SLC6A2: variants seen among roughly 807,000 people sequenced by gnomAD.
SLC6A2 encodes sodium-dependent noradrenaline transporter.
Under a neutral mutation model 71.7 loss-of-function variants are expected in SLC6A2, and 26 were observed. The observed-to-expected ratio is 0.36, with a 90% CI of 0.27 to 0.50. SLC6A2 has a LOEUF of 0.50. SLC6A2 is among the 20% of genes least tolerant of loss of function. SLC6A2 has a pLI of 0.96. For synonymous variants in SLC6A2, 363 were observed against 337.9 expected (o/e 1.07, Z -0.82); for missense variants, 581 against 803.9 (o/e 0.72, Z 3.35).
chr16:55,660,190 G>A (rs756377447), intron 2 of SLC6A2, among the ~76,000 whole-genome samples: 1 of 152,148 alleles, frequency 6.6e-6, no homozygotes, highest in Non-Finnish European at 1.5e-5. Context: ...CCTGGGGCAG[G>A]AATGTACATG....
At chr16:55,686,952 G>A (rs1965470731) in intron 5 of SLC6A2, among the ~76,000 whole-genome samples, 1 of 152,198 alleles carries the variant, frequency 6.6e-6, no homozygotes, top group South Asian at 2.1e-4. Flanking sequence ...TTTGAATTTA[G>A]TTCAAAATAT....
At chr16:55,701,398 A>C (rs1183842901) in intron 13 of SLC6A2, among the ~76,000 whole-genome samples, 4 of 152,112 alleles carry the variant, frequency 2.6e-5, no homozygotes, top group Non-Finnish European at 5.9e-5. Flanking sequence ...ACCAGTGATC[A>C]ATTGTTGGTT....
intron 2 of SLC6A2, among the ~76,000 whole-genome samples, chr16:55,657,724 T>A (rs930042664): frequency 6.6e-6 from 1 of 151,892 alleles, no homozygotes; most frequent in African/African-American, 2.4e-5. Context: ...TGAAGAAGAC[T>A]CCAGTGGAAC....
intron 2 of SLC6A2, among the ~76,000 whole-genome samples, chr16:55,669,207 A>C (rs549102628): frequency 2.0e-5 from 3 of 152,326 alleles, no homozygotes; most frequent in South Asian, 4.2e-4. Context: ...TTCATAAAAG[A>C]AAAAGTTCAG....
At chr16:55,691,261 GAGAGAGA>G (rs1965617630) in intron 5 of SLC6A2, among the ~76,000 whole-genome samples, 1 of 146,980 alleles carries the variant, frequency 6.8e-6, no homozygotes. Flanking sequence ...GAGAGAGAGA[GAGAGAGA>G]GAGAGAGAGA....
chr16:55,656,646 C>A lies in SLC6A2; in HGVS notation c.-49C>A, dbSNP rs540324002. ...CTCTTTTCCCTTTATCCAAGCAGAG[C>A]CTCGGCGTGCCCCCAGGACCGGTAA... On this transcript the variant is annotated splice_region_variant and 5_prime_UTR_variant, in exon 2 of 15. Coordinates refer to ENST00000568943, the MANE Select transcript of SLC6A2 (RefSeq NM_001172501.3). This position sits in a 1 kb window ranked among gnomAD's most constrained non-coding sequence, Gnocchi z 4.5. 4 of 1,608,734 alleles carry A rather than the reference C, an allele frequency of 2.5e-6. No homozygotes were observed. In the Middle Eastern group the frequency reaches 6.7e-4, roughly 270 times the overall value.
At chr16:55,699,329 C>A (rs1461902927) in intron 11 of SLC6A2, among the ~76,000 whole-genome samples, 1 of 152,228 alleles carries the variant, frequency 6.6e-6, no homozygotes, top group Non-Finnish European at 1.5e-5. Flanking sequence ...AGGTTTCCCT[C>A]TGACAGGTGA....
chr16:55,683,586 C>T (rs148153331), intron 4 of SLC6A2, among the ~76,000 whole-genome samples: 1 of 152,174 alleles, frequency 6.6e-6, no homozygotes, highest in Non-Finnish European at 1.5e-5. Flanking sequence ...GCACTCCAGC[C>T]TGGGCAACAG....
chr16:55,673,961 G>A (rs1189959374), intron 4 of SLC6A2, among the ~76,000 whole-genome samples: 1 of 151,956 alleles, frequency 6.6e-6, no homozygotes, highest in African/African-American at 2.4e-5. Context: ...ATCAGTATGG[G>A]CTCCTGGATA....
intron 4 of SLC6A2, 124 bp downstream of exon 4, chr16:55,672,299 C>A: frequency 6.6e-7 from 1 of 1,522,924 alleles, no homozygotes; most frequent in Non-Finnish European, 8.9e-7. Flanking sequence ...GTTTACTGAG[C>A]AGCCACTGGC....
chr16:55,683,801 T>C (rs1423379488), intron 4 of SLC6A2, among the ~76,000 whole-genome samples: 2 of 152,084 alleles, frequency 1.3e-5, no homozygotes, highest in Non-Finnish European at 2.9e-5. Context: ...TGTCCTGAAG[T>C]CCTCATCATG....
In SLC6A2 at chr16:55,682,986, G is replaced by A. The variant is rs113126012; in HGVS notation, c.645-2157G>A. Among the ~76,000 whole-genome samples, 402 of 152,314 alleles carry A rather than the reference G, an allele frequency of 2.6e-3. 2 individuals are homozygous for A. The highest frequency in any genetic ancestry group is 9.1e-3 in the African/African-American group (377 of 41,570). On this transcript the variant is annotated intron_variant, in intron 4 of 14. Coordinates refer to ENST00000568943, the MANE Select transcript of SLC6A2 (RefSeq NM_001172501.3). ...GCACGAGCAGTTCCTGTGTGTGTCCGAGGCCCAGATGGGCTGGCTCACAGC... is the reference window on the plus strand; with the variant it reads ...GCACGAGCAGTTCCTGTGTGTGTCCAAGGCCCAGATGGGCTGGCTCACAGC...
intron 3 of SLC6A2, 144 bp from the exon 4 acceptor site, chr16:55,671,794 G>T: frequency 6.8e-7 from 1 of 1,474,684 alleles, no homozygotes. Flanking sequence ...ACAGGTCACT[G>T]GTGCTGAAAA....
chr16:55,689,044 T>C (rs1965537295), intron 5 of SLC6A2, among the ~76,000 whole-genome samples: 1 of 152,160 alleles, frequency 6.6e-6, no homozygotes, highest in Non-Finnish European at 1.5e-5. Context: ...GCTCATTGCT[T>C]TCTTGATGTT....
At chr16:55,666,915 A>T (rs570369497) in intron 2 of SLC6A2, among the ~76,000 whole-genome samples, 2 of 151,960 alleles carry the variant, frequency 1.3e-5, no homozygotes, top group South Asian at 4.2e-4. Context: ...TTCCTTCCCC[A>T]CGTTCCCTTG....
chr16:55,678,967 C>T (rs1452602324), intron 4 of SLC6A2, among the ~76,000 whole-genome samples: 3 of 152,156 alleles, frequency 2.0e-5, no homozygotes, highest in African/African-American at 7.2e-5. Flanking sequence ...CTCTACAACC[C>T]TGAAAGTGGA....
Position 55,656,836 on chromosome 16 carries a change from C to T in SLC6A2, c.142C>T (p.Pro48Ser). The T allele has an allele frequency of 1.1e-5, 18 of 1,613,570 alleles. No homozygotes were observed. Among genetic ancestry groups the T allele is most frequent in the Non-Finnish European group, 1.4e-5 (16 of 1,179,792 alleles). ...ERNGVQCLLA[P>S]RDGDAQPRET... ...CAACGGCGTCCAGTGCCTGCTGGCG[C>T]CCCGCGACGGCGACGCGCAGCCCCG... The change falls in exon 2 of 15, where the codon CCC becomes TCC. Residue 48 changes from proline to serine, a missense_variant. Around this residue, in one of 5 missense-constraint regions of SLC6A2, gnomAD observed 76 missense variants for 79.9 expected, o/e 0.95. Coordinates refer to ENST00000568943, the MANE Select transcript of SLC6A2 (RefSeq NM_001172501.3). The surrounding 1 kb of genome is among the most constrained non-coding windows in gnomAD (Gnocchi z 4.5).
At chr16:55,688,905 A>G (rs1965533292) in intron 5 of SLC6A2, among the ~76,000 whole-genome samples, 1 of 152,186 alleles carries the variant, frequency 6.6e-6, no homozygotes, top group Non-Finnish European at 1.5e-5. Context: ...ATTGTGAGCC[A>G]TTGGCTTGAA....
Position 55,677,026 on chromosome 16 carries a change from C to T in SLC6A2, c.644+4851C>T, listed in dbSNP as rs532641373. ...TAGAAATTTCCATCAGTAGCTCCCC[C>T]TGCAATTCTAACATCCAGCCAACGT... On this transcript the variant is annotated intron_variant, in intron 4 of 14. Coordinates refer to ENST00000568943, the MANE Select transcript of SLC6A2 (RefSeq NM_001172501.3). Among the ~76,000 whole-genome samples, 7 of 152,318 alleles carry T rather than the reference C, an allele frequency of 4.6e-5. No homozygotes were observed. The South Asian group carries it at 1.2e-3, about 27-fold the overall frequency.
Sources: gnomAD v4.1 joint callset for allele counts (sites outside exome capture counted in the v4.1 genomes callset) on GRCh38, gnomAD v4.1.1 for gene constraint, gnomAD v4.1.1 regional missense constraint, Gnocchi (gnomAD v3.1) non-coding constraint, MANE v1.5 for transcripts, NCBI Gene and HGNC (gene_info 2026-07-23, HGNC 2026-07-21) for gene names.